The following EPHA6 variants were observed in gnomAD, a reference collection of about 807,000 sequenced individuals.
EPHA6 encodes the protein ephrin type-A receptor 6.
In EPHA6, 50 loss-of-function variants were observed where a neutral mutation model predicts 112.0. The observed-to-expected ratio is 0.45, with a 90% CI of 0.36 to 0.56. The LOEUF (loss-of-function observed/expected upper bound fraction) is 0.56, where lower values mean the gene tolerates loss of function less well. Among genes scored for constraint, EPHA6 ranks in the 20% least tolerant of loss-of-function variants. The pLI, the probability that EPHA6 is intolerant of heterozygous loss-of-function variation, is 0.00. For missense variants in EPHA6, 1,280 were observed against 1,417.4 expected (o/e 0.90, Z 1.56); for synonymous variants, 529 against 490.7 (o/e 1.08, Z -1.03).
At chr3:97,316,798 A>G (rs2081863143) in intron 5 of EPHA6, among the ~76,000 whole-genome samples, 1 of 151,834 alleles carries the variant, frequency 6.6e-6, no homozygotes, top group Admixed American at 6.6e-5. Flanking sequence ...ACATTTTGGG[A>G]AGTAATCAGT....
intron 3 of EPHA6, among the ~76,000 whole-genome samples, chr3:97,014,231 G>T (rs1356969792): frequency 6.6e-6 from 1 of 152,158 alleles, no homozygotes; most frequent in African/African-American, 2.4e-5. Context: ...TTCATCAAAA[G>T]TAAGGATTTG....
intron 5 of EPHA6, among the ~76,000 whole-genome samples, chr3:97,293,782 C>T (rs1334731409): frequency 2.0e-5 from 3 of 152,204 alleles, no homozygotes; most frequent in African/African-American, 7.2e-5. Context: ...CCCTTCCCAC[C>T]CAGGAACACA....
At chr3:97,405,026 G>A (rs1272732262) in intron 5 of EPHA6, 124 bp from the exon 6 acceptor site, 1 of 1,014,024 alleles carries the variant, frequency 9.9e-7, no homozygotes, top group Non-Finnish European at 1.4e-6. Context: ...TTATTAATCT[G>A]CCTTCAATAA....
intron 6 of EPHA6, among the ~76,000 whole-genome samples, chr3:97,410,430 G>A (rs1022922630): frequency 6.3e-4 from 95 of 151,920 alleles, no homozygotes; most frequent in African/African-American, 2.2e-3. Flanking sequence ...TTGCCCAAGG[G>A]AGGAAGAGAA....
intron 5 of EPHA6, among the ~76,000 whole-genome samples, chr3:97,382,042 ATT>A (rs902583556): frequency 7.9e-5 from 12 of 152,050 alleles, no homozygotes; most frequent in Non-Finnish European, 1.8e-4. Context: ...GTCAAATGGG[ATT>A]TTACAAAGCT....
intron 3 of EPHA6, among the ~76,000 whole-genome samples, chr3:97,080,454 A>T (rs1053241644): frequency 6.6e-5 from 10 of 152,136 alleles, no homozygotes; most frequent in African/African-American, 2.4e-4. Flanking sequence ...ATATCACATA[A>T]TTAGCATTTT....
At chr3:97,427,045 T>C (rs1485998170) in intron 6 of EPHA6, among the ~76,000 whole-genome samples, 1 of 152,154 alleles carries the variant, frequency 6.6e-6, no homozygotes, top group African/African-American at 2.4e-5. Context: ...AAATAGCAGA[T>C]ACTAGCGAGG....
At chr3:96,908,850 T>C (rs1490263987) in intron 2 of EPHA6, among the ~76,000 whole-genome samples, 1 of 151,996 alleles carries the variant, frequency 6.6e-6, no homozygotes, top group Non-Finnish European at 1.5e-5. Context: ...TCGGAGGCAC[T>C]GTAAGATGAA....
intron 5 of EPHA6, among the ~76,000 whole-genome samples, chr3:97,331,648 A>G (rs2082804208): frequency 6.6e-6 from 1 of 152,224 alleles, no homozygotes; most frequent in Non-Finnish European, 1.5e-5. Flanking sequence ...AATCTAGACA[A>G]AATGGATAAA....
At chr3:97,566,932 G>A (rs1205736031) in intron 11 of EPHA6, among the ~76,000 whole-genome samples, 1 of 152,128 alleles carries the variant, frequency 6.6e-6, no homozygotes, top group Non-Finnish European at 1.5e-5. Context: ...GTCCACCTCT[G>A]GAACTCAACA....
intron 13 of EPHA6, among the ~76,000 whole-genome samples, chr3:97,624,051 T>G (rs1174029196): frequency 6.6e-6 from 1 of 151,736 alleles, no homozygotes; most frequent in Non-Finnish European, 1.5e-5. Context: ...AAAGTTGTTG[T>G]TGGAATTCTG....
At chr3:97,401,387 T>G (rs1423633048) in intron 5 of EPHA6, among the ~76,000 whole-genome samples, 1 of 151,992 alleles carries the variant, frequency 6.6e-6, no homozygotes, top group East Asian at 1.9e-4. Context: ...ATTTTCTATT[T>G]CTTCACTGTA....
Position 97,171,891 on chromosome 3 carries a change from GA to G in EPHA6, c.1115-54372del, listed in dbSNP as rs1378907692. On this transcript the variant is annotated intron_variant, in intron 3 of 17. Transcript: ENST00000389672. ...TGGTAAACTATAGGTTAAAATTATGGAGTAATTACTGAAGAAGAACAATAAG... is the reference window on the plus strand; with the variant it reads ...TGGTAAACTATAGGTTAAAATTATGGGTAATTACTGAAGAAGAACAATAAG... Among the ~76,000 whole-genome samples the G allele has an allele frequency of 7.9e-5, 12 of 152,106 alleles. No individual in the cohort carries two copies. In the South Asian group the frequency reaches 2.5e-3, roughly 32 times the overall value.
At chr3:97,072,933 T>C (rs1234778806) in intron 3 of EPHA6, among the ~76,000 whole-genome samples, 1 of 152,158 alleles carries the variant, frequency 6.6e-6, no homozygotes, top group East Asian at 1.9e-4. Flanking sequence ...TTTCAGGAGC[T>C]TACTGAGAGG....
rs141763479 is a variant in EPHA6, at chr3:97,508,984, CTTTTTTTTTTTTTTTTTTTTTTT to C, written c.2201-23358_2201-23336del. 2.2e-4 allele frequency among the ~76,000 whole-genome samples: 5 copies of C among 22,332 alleles called. No individual in the cohort carries two copies. The South Asian group carries it at 7.1e-3, about 32-fold the overall frequency. The allele number at this position is 22,332 out of a possible 152,430, so 14.7% of individuals were successfully genotyped here. ...TCAGAGACTAGGATTGCATCCCTGG[CTTTTTTTTTTTTTTTTTTTTTTT>C]TTTTTTTTTTTTTTTGCTTTCCATT... On this transcript the variant is annotated intron_variant, in intron 10 of 17. Coordinates refer to ENST00000389672, the MANE Select transcript of EPHA6 (RefSeq NM_001080448.3).
intron 11 of EPHA6, among the ~76,000 whole-genome samples, chr3:97,574,804 T>TGTTAATAATG (rs1020208573): frequency 2.6e-5 from 4 of 152,108 alleles, no homozygotes; most frequent in South Asian, 2.1e-4. Context: ...GCCAGTGATA[T>TGTTAATAATG]GTTAATTAAA....
At chr3:96,981,793 G>T (rs2042799927) in intron 2 of EPHA6, among the ~76,000 whole-genome samples, 1 of 152,082 alleles carries the variant, frequency 6.6e-6, no homozygotes, top group African/African-American at 2.4e-5. Context: ...TAGGGTGTAT[G>T]TGTCAAGAAA....
At chr3:96,963,576 A>G (rs1377150315) in intron 2 of EPHA6, among the ~76,000 whole-genome samples, 1 of 152,204 alleles carries the variant, frequency 6.6e-6, no homozygotes, top group Non-Finnish European at 1.5e-5. Flanking sequence ...TTAGCAGTTT[A>G]CAATATATGG....
chr3:97,401,991 A>G (rs886418481), intron 5 of EPHA6, among the ~76,000 whole-genome samples: 9 of 151,922 alleles, frequency 5.9e-5, no homozygotes, highest in African/African-American at 9.7e-5. Context: ...ACTGATTTCT[A>G]ATTTTATTCT....
Sources: allele counts gnomAD v4.1 joint callset (sites outside exome capture counted in the v4.1 genomes callset), GRCh38; gene constraint gnomAD v4.1.1; transcripts MANE v1.5; gene names NCBI Gene and HGNC (gene_info 2026-07-23, HGNC 2026-07-21).